PXDNL: variants seen among roughly 807,000 people sequenced by gnomAD.
The protein encoded by PXDNL is peroxidasin like.
PXDNL carries 145 observed loss-of-function variants against 150.8 expected under a neutral mutation model. The observed-to-expected ratio is 0.96, with a 90% CI of 0.84 to 1.10. The LOEUF (loss-of-function observed/expected upper bound fraction) is 1.10. Ranked by LOEUF, PXDNL falls within the 50% of genes least tolerant of loss-of-function variation. PXDNL has a pLI of 0.00. For synonymous variants in PXDNL, 757 were observed against 725.7 expected, an observed-to-expected ratio of 1.04 and a Z score of -0.69; for missense variants, 2,087 against 1,873.9, an observed-to-expected ratio of 1.11 and a Z score of -2.10.
chr8:51,559,332 C>CA (rs1491080601), intron 3 of PXDNL, among the ~76,000 whole-genome samples: 2 of 31,346 alleles, frequency 6.4e-5, no homozygotes, highest in African/African-American at 1.5e-3. Flanking sequence ...TCTTCCAAAC[C>CA]CCCCCCCCCC....
At chr8:51,397,878 TATATC>T (rs1808133965) in intron 17 of PXDNL, among the ~76,000 whole-genome samples, 2 of 152,094 alleles carry the variant, frequency 1.3e-5, no homozygotes, top group African/African-American at 4.8e-5. Flanking sequence ...TAGCATTACA[TATATC>T]TCCTAATGCT....
chr8:51,639,989 A>C (rs1383191867), intron 2 of PXDNL, among the ~76,000 whole-genome samples: 1 of 152,172 alleles, frequency 6.6e-6, no homozygotes, highest in Admixed American at 6.5e-5. Flanking sequence ...GCAGCACATC[A>C]AAAAGCTTAT....
At chr8:51,352,955 GA>G (rs1806397959) in intron 19 of PXDNL, among the ~76,000 whole-genome samples, 1 of 152,110 alleles carries the variant, frequency 6.6e-6, no homozygotes, top group South Asian at 2.1e-4. Context: ...CGAAAGGTAG[GA>G]GAGTGGGAGG....
At chr8:51,635,687 C>A (rs2130764615) in intron 2 of PXDNL, among the ~76,000 whole-genome samples, 1 of 152,020 alleles carries the variant, frequency 6.6e-6, no homozygotes, top group East Asian at 1.9e-4. Flanking sequence ...GGGCGAAGTA[C>A]TTTTTAAGAG....
chr8:51,447,863 T>C (rs957483920), intron 11 of PXDNL, among the ~76,000 whole-genome samples: 2 of 152,062 alleles, frequency 1.3e-5, no homozygotes, highest in Middle Eastern at 3.2e-3. Flanking sequence ...TGTTGAAGAG[T>C]ATAAATTATT....
chr8:51,565,658 G>T (rs1475814454), intron 3 of PXDNL, among the ~76,000 whole-genome samples: 1 of 151,564 alleles, frequency 6.6e-6, no homozygotes, highest in African/African-American at 2.4e-5. Flanking sequence ...GCTTTCTGAT[G>T]GTTCAATGTA....
chr8:51,507,486 A>G (rs1399178723), intron 4 of PXDNL, among the ~76,000 whole-genome samples: 1 of 152,238 alleles, frequency 6.6e-6, no homozygotes, highest in Non-Finnish European at 1.5e-5. Context: ...ACTGAATCAC[A>G]CATTTCCTTT....
intron 21 of PXDNL, among the ~76,000 whole-genome samples, chr8:51,322,449 G>A (rs1247578986): frequency 6.6e-6 from 1 of 152,188 alleles, no homozygotes; most frequent in Non-Finnish European, 1.5e-5. Context: ...GGGAACTGAG[G>A]TGGGATGAGT....
intron 21 of PXDNL, among the ~76,000 whole-genome samples, chr8:51,339,388 A>T (rs1249051426): frequency 1.3e-5 from 2 of 152,196 alleles, no homozygotes; most frequent in East Asian, 3.9e-4. Flanking sequence ...TGAACCCAAG[A>T]GGTGGAGGCT....
At chr8:51,444,566 A>G (rs1175546551) in intron 12 of PXDNL, among the ~76,000 whole-genome samples, 1 of 152,240 alleles carries the variant, frequency 6.6e-6, no homozygotes. Context: ...AAGACACCTT[A>G]GGCAGAATAA....
At position 51,809,287 on chromosome 8, in the gene PXDNL, G is replaced by A; in HGVS notation, c.58C>T (p.Pro20Ser). The change falls in exon 1 of 23, where the codon CCA (proline) becomes TCA (serine). Residue 20 changes from proline (P) to serine (S), a missense_variant. Coordinates refer to ENST00000356297, the MANE Select transcript of PXDNL (RefSeq NM_144651.5). ...TLFLLAGWCL[P>S]GLPCPSRCLC... is the part of the protein sequence containing the mutation. ...CACCGGCTGGGGCAGGGCAACCCTG[G>A]CAGGCACCACCCGGCCAGGAGAAAG... 6.3e-7 allele frequency: 1 copy of A among 1,592,558 alleles called. No homozygotes were observed. Among genetic ancestry groups the A allele is most frequent in the Non-Finnish European group, 8.6e-7 (1 of 1,169,474 alleles).
chr8:51,597,171 C>G (rs1175065113), intron 2 of PXDNL, among the ~76,000 whole-genome samples: 2 of 152,110 alleles, frequency 1.3e-5, no homozygotes, highest in African/African-American at 4.8e-5. Context: ...AGTTTTTCCC[C>G]ATTGCTTGTT....
intron 1 of PXDNL, among the ~76,000 whole-genome samples, chr8:51,770,265 C>A (rs977403240): frequency 6.6e-6 from 1 of 152,194 alleles, no homozygotes; most frequent in Non-Finnish European, 1.5e-5. Context: ...TACTGTGCAA[C>A]AGGCAGAATG....
chr8:51,715,712 C>T (rs888898444), intron 1 of PXDNL, among the ~76,000 whole-genome samples: 3 of 152,090 alleles, frequency 2.0e-5, no homozygotes, highest in East Asian at 1.9e-4. Flanking sequence ...GAATATAGGG[C>T]GGGGTTTCTT....
chr8:51,730,897 A>G (rs949513925), intron 1 of PXDNL, among the ~76,000 whole-genome samples: 4 of 152,154 alleles, frequency 2.6e-5, no homozygotes, highest in East Asian at 3.8e-4. Flanking sequence ...ACAGCACAAG[A>G]AAGACCCACC....
intron 3 of PXDNL, among the ~76,000 whole-genome samples, chr8:51,557,585 C>T (rs16916514): frequency 0.024 from 3,717 of 152,184 alleles, 79 homozygotes; most frequent in African/African-American, 0.055. Flanking sequence ...CTACTTGTGC[C>T]TCTCAGGGTT....
At chr8:51,355,106 T>G (rs1019726714) in intron 19 of PXDNL, among the ~76,000 whole-genome samples, 3 of 152,184 alleles carry the variant, frequency 2.0e-5, no homozygotes, top group Non-Finnish European at 2.9e-5. Context: ...CTGAGATCAC[T>G]GTTGCAATGT....
intron 1 of PXDNL, among the ~76,000 whole-genome samples, chr8:51,745,245 A>C (rs2036970182): frequency 6.6e-6 from 1 of 152,190 alleles, no homozygotes. Context: ...TGAAATCTTA[A>C]AGGACCTTTC....
chr8:51,607,110 A>T (rs577006420), intron 2 of PXDNL, among the ~76,000 whole-genome samples: 22 of 152,332 alleles, frequency 1.4e-4, no homozygotes, highest in Admixed American at 1.3e-4. Context: ...CTTGATCCAC[A>T]TCTTTAACTG....
Sources: allele counts gnomAD v4.1 joint callset (sites outside exome capture counted in the v4.1 genomes callset), GRCh38; gene constraint gnomAD v4.1.1; transcripts MANE v1.5; gene names NCBI Gene and HGNC (gene_info 2026-07-23, HGNC 2026-07-21).